Variants in GSG1L observed in about 807,000 individuals in gnomAD.
The protein encoded by GSG1L is germ cell-specific gene 1-like protein.
GSG1L carries 24 observed loss-of-function variants against 42.1 expected under a neutral mutation model. The observed-to-expected ratio is 0.57, with a 90% CI of 0.41 to 0.80. GSG1L has a LOEUF of 0.80. Ranked by LOEUF, GSG1L falls within the 30% of genes least tolerant of loss-of-function variation. The pLI is 0.00. For synonymous variants in GSG1L, 215 were observed against 203.5 expected, an observed-to-expected ratio of 1.06 and a Z score of -0.48; for missense variants, 445 against 472.2, an observed-to-expected ratio of 0.94 and a Z score of 0.53.
At chr16:27,905,728 G>C (rs1055054556) in intron 2 of GSG1L, among the ~76,000 whole-genome samples, 1 of 152,128 alleles carries the variant, frequency 6.6e-6, no homozygotes, top group Non-Finnish European at 1.5e-5. Flanking sequence ...GTCTCAGTAC[G>C]GCATTCATCT....
In GSG1L at chr16:27,884,613, G is replaced by A. The variant is rs1321168031; in HGVS notation, c.423C>T (p.Ser141=). The A allele has an allele frequency of 1.1e-5, 18 of 1,598,350 alleles. No homozygotes were observed. Among genetic ancestry groups the A allele is most frequent in the East Asian group, 4.5e-5 (2 of 44,268 alleles). ...EKGVLWLSVV[S]EVLYILLLVV... is the part of the protein sequence containing the mutation. ...CCAGCAGCAGAATGTACAGCACCTC[G>A]GAGACCACAGACAGCCACAGGACCC... The change falls in exon 3 of 7, where the codon TCC becomes TCT. Residue 141 remains serine (S), a synonymous_variant. Coordinates refer to ENST00000447459, the MANE Select transcript of GSG1L (RefSeq NM_001109763.2). This position sits in a 1 kb window ranked among gnomAD's most constrained non-coding sequence, Gnocchi z 4.4.
At chr16:27,842,797 A>T (rs2140981370) in intron 4 of GSG1L, among the ~76,000 whole-genome samples, 1 of 152,180 alleles carries the variant, frequency 6.6e-6, no homozygotes, top group East Asian at 1.9e-4. Context: ...GTCTTTTTTA[A>T]AATTATAATC....
intron 2 of GSG1L, among the ~76,000 whole-genome samples, chr16:27,886,333 G>A (rs1326354682): frequency 2.0e-5 from 3 of 152,158 alleles, no homozygotes; most frequent in Non-Finnish European, 4.4e-5. Context: ...CCAGCTACTC[G>A]GGAGGCTGAG....
intron 2 of GSG1L, among the ~76,000 whole-genome samples, chr16:27,912,995 T>G (rs547853756): frequency 5.6e-4 from 85 of 151,570 alleles, no homozygotes; most frequent in Middle Eastern, 6.8e-3. Flanking sequence ...GTGTGTGTGT[T>G]TTTTTTTAAT....
chr16:27,831,292 C>T (rs1296112194), intron 4 of GSG1L, among the ~76,000 whole-genome samples: 1 of 152,204 alleles, frequency 6.6e-6, no homozygotes, highest in Non-Finnish European at 1.5e-5. Flanking sequence ...GCCATTATCC[C>T]TGAACTTTTC....
chr16:27,905,348 A>G (rs71389820), intron 2 of GSG1L, among the ~76,000 whole-genome samples: 56 of 147,538 alleles, frequency 3.8e-4, no homozygotes, highest in African/African-American at 1.3e-3. Context: ...TTAAAGCGAC[A>G]GGGTCTCACT....
In GSG1L at chr16:27,891,711, G is replaced by A. The variant is rs12930420; in HGVS notation, c.398-7073C>T. Among the ~76,000 whole-genome samples the A allele has an allele frequency of 9.5e-3, 1,440 of 151,868 alleles. 14 individuals are homozygous for A. Among genetic ancestry groups the A allele is most frequent in the Non-Finnish European group, 0.015 (1,018 of 67,922 alleles). On this transcript the variant is annotated intron_variant, in intron 2 of 6. Transcript: ENST00000447459. ...TGGTCTGAAACTCCTGGGCTCAAGC[G>A]ATCCTCCTGCCTCAGCCTCCCAAAG...
rs565640930 is a variant in GSG1L, at chr16:28,018,609, C to T, written c.349+44467G>A. ...GAAAGTAGCTTCCCTTTTCAGTCTC[C>T]TTGTCAGGTAGACAAGGAAGAATAA... On this transcript the variant is annotated intron_variant, in intron 1 of 6. Coordinates refer to ENST00000447459, the MANE Select transcript of GSG1L (RefSeq NM_001109763.2). Among the ~76,000 whole-genome samples, 25 of 152,242 alleles carry T rather than the reference C, an allele frequency of 1.6e-4. No homozygotes were observed. The South Asian group carries it at 2.3e-3, about 14-fold the overall frequency.
chr16:27,842,215 G>A (rs1452660459), intron 4 of GSG1L, among the ~76,000 whole-genome samples: 2 of 152,026 alleles, frequency 1.3e-5, no homozygotes, highest in African/African-American at 2.4e-5. Context: ...GTTGTTGCGC[G>A]TGTTAAATTT....
intron 1 of GSG1L, among the ~76,000 whole-genome samples, chr16:27,974,323 T>C (rs888341349): frequency 1.3e-5 from 2 of 152,128 alleles, no homozygotes; most frequent in African/African-American, 4.8e-5. Flanking sequence ...TCAGCCAAAA[T>C]CTTGCACCCA....
chr16:27,807,386 C>A (rs990934764), intron 6 of GSG1L, 101 bp downstream of exon 6: 16 of 877,840 alleles, frequency 1.8e-5, no homozygotes, highest in Non-Finnish European at 2.2e-5. Context: ...ATGCAGGGTG[C>A]AGTGGGGGGT....
At chr16:28,052,287 T>A (rs913098826) in intron 1 of GSG1L, among the ~76,000 whole-genome samples, 6 of 152,080 alleles carry the variant, frequency 3.9e-5, no homozygotes, top group African/African-American at 9.7e-5. Context: ...TTCTTTTTTT[T>A]ATTATTATTA....
intron 2 of GSG1L, among the ~76,000 whole-genome samples, chr16:27,932,805 A>G (rs1157944076): frequency 2.6e-5 from 4 of 152,058 alleles, no homozygotes; most frequent in African/African-American, 9.7e-5. Context: ...AGTATCCCAG[A>G]TCATGGCTCA....
At chr16:28,006,929 C>T (rs1196122428) in intron 1 of GSG1L, among the ~76,000 whole-genome samples, 1 of 152,090 alleles carries the variant, frequency 6.6e-6, no homozygotes, top group Admixed American at 6.6e-5. Flanking sequence ...TTGCAGCTGG[C>T]ACAGCATCTA....
In GSG1L at chr16:28,063,327, C is replaced by A; in HGVS notation, c.98G>T (p.Cys33Phe). The A allele has an allele frequency of 7.1e-7, 1 of 1,402,868 alleles. No individual in the cohort carries two copies. The highest frequency in any genetic ancestry group is 9.3e-7 in the Non-Finnish European group (1 of 1,071,238). The allele number at this position is 1,402,868 out of a possible 1,614,324, so 86.9% of individuals were successfully genotyped here. A position where few individuals can be genotyped will look rare whatever the true frequency, so the allele number is the denominator to read the frequency against. The change falls in exon 1 of 7, where the codon TGC becomes TTC. Residue 33 changes from cysteine to phenylalanine, a missense_variant. Physicochemically the swap from Cys to Phe is radical, Grantham distance 205. Coordinates refer to ENST00000447459, the MANE Select transcript of GSG1L (RefSeq NM_001109763.2). This position sits in a 1 kb window ranked among gnomAD's most constrained non-coding sequence, Gnocchi z 5.8. Reference sequence around the variant, plus strand: ...CTTGGGGACCCGCTGCGTGCCCTGGCACCAGTGCGTGGTGAGGAAAGCGGT... The same window carrying A: ...CTTGGGGACCCGCTGCGTGCCCTGGAACCAGTGCGTGGTGAGGAAAGCGGT... ...ATTAFLTTHW[C>F]QGTQRVPKPG...
At chr16:27,975,357 T>C (rs969546188) in intron 1 of GSG1L, among the ~76,000 whole-genome samples, 3 of 151,736 alleles carry the variant, frequency 2.0e-5, no homozygotes, top group African/African-American at 7.3e-5. Flanking sequence ...GAGGGGTGGA[T>C]GGAGAACAGC....
At chr16:27,942,528 C>T (rs2084812805) in intron 2 of GSG1L, among the ~76,000 whole-genome samples, 1 of 152,094 alleles carries the variant, frequency 6.6e-6, no homozygotes, top group South Asian at 2.1e-4. Flanking sequence ...CATATACAAG[C>T]AACAAAGATT....
chr16:27,938,583 C>T (rs1225699607), intron 2 of GSG1L, among the ~76,000 whole-genome samples: 2 of 152,116 alleles, frequency 1.3e-5, no homozygotes, highest in African/African-American at 4.8e-5. Context: ...TCAGAGTGAA[C>T]ATCAGAGCAG....
At chr16:27,991,196 T>C (rs143092814) in intron 1 of GSG1L, among the ~76,000 whole-genome samples, 214 of 152,330 alleles carry the variant, frequency 1.4e-3, no homozygotes, top group African/African-American at 4.8e-3. Flanking sequence ...TCTGAGCTTT[T>C]ATTATTTGCC....
Sources: gnomAD v4.1 joint callset for allele counts (sites outside exome capture counted in the v4.1 genomes callset) on GRCh38, gnomAD v4.1.1 for gene constraint, Gnocchi (gnomAD v3.1) non-coding constraint, MANE v1.5 for transcripts, NCBI Gene and HGNC (gene_info 2026-07-23, HGNC 2026-07-21) for gene names.